Variants in FHOD3 observed in about 807,000 individuals in gnomAD.
FHOD3 encodes formin homology 2 domain containing 3.
Under a neutral mutation model 173.0 loss-of-function variants are expected in FHOD3, and 90 were observed. The ratio of observed to expected loss-of-function variants is 0.52; its 90% CI spans 0.44 to 0.62. The LOEUF is 0.62. Among genes scored for constraint, FHOD3 ranks in the 20% least tolerant of loss-of-function variants. The pLI is 0.00. For synonymous variants in FHOD3, 828 were observed against 823.0 expected (o/e 1.01, Z -0.10); for missense variants, 1,945 against 2,034.7 (o/e 0.96, Z 0.85).
intron 1 of FHOD3, among the ~76,000 whole-genome samples, chr18:36,322,684 G>A (rs1325749095): frequency 6.6e-6 from 1 of 152,160 alleles, no homozygotes; most frequent in Non-Finnish European, 1.5e-5. Context: ...ATTCTTAGCT[G>A]CTAGTGACCT....
chr18:36,518,535 T>TA (rs2056109136), intron 5 of FHOD3, among the ~76,000 whole-genome samples: 1 of 152,140 alleles, frequency 6.6e-6, no homozygotes, highest in Non-Finnish European at 1.5e-5. Flanking sequence ...CTATTTCCAA[T>TA]AAAAAATCAC....
At position 36,297,725 on chromosome 18, in the gene FHOD3, C is replaced by T. The variant is rs1426265173; in HGVS notation, c.-111C>T. The stretch of plus-strand genomic sequence containing the variant: ...GCCCGGCGCGCCTGAGCCTGCGAGT[C>T]CGCGAGCCAGCGAGCTGCGGCTGCG... On this transcript the variant is annotated 5_prime_UTR_variant, in exon 1 of 29. Transcript: ENST00000590592. 2 of 828,226 alleles carry T rather than the reference C, an allele frequency of 2.4e-6. No individual in the cohort carries two copies. Among genetic ancestry groups the T allele is most frequent in the Admixed American group, 5.3e-5 (1 of 18,710 alleles). The allele number at this position is 828,226 out of a possible 1,614,324, so 51.3% of individuals were successfully genotyped here. A position where few individuals can be genotyped will look rare whatever the true frequency, so the allele number is the denominator to read the frequency against.
chr18:36,741,772 T>TA (rs61214594), intron 21 of FHOD3, among the ~76,000 whole-genome samples: 5 of 151,052 alleles, frequency 3.3e-5, no homozygotes, highest in African/African-American at 4.9e-5. Flanking sequence ...CCTCCATCTC[T>TA]AAAAAAAATA....
At chr18:36,360,745 G>T (rs1343598179) in intron 2 of FHOD3, among the ~76,000 whole-genome samples, 1 of 152,214 alleles carries the variant, frequency 6.6e-6, no homozygotes, top group Non-Finnish European at 1.5e-5. Flanking sequence ...TGGGATTTTG[G>T]TGGGGAGGTA....
intron 1 of FHOD3, among the ~76,000 whole-genome samples, chr18:36,355,327 G>A (rs2046310228): frequency 6.6e-6 from 1 of 152,184 alleles, no homozygotes; most frequent in South Asian, 2.1e-4. Flanking sequence ...TGCTGTCGAT[G>A]TCACTCTGTT....
rs750548010 is a variant in FHOD3 at position 36,709,290 on chromosome 18, T to A, written c.2432T>A (p.Val811Glu). ...GAAAAAGAGAGGCAGAACGAGGGGG[T>A]GAACGAGAGGGACAACTGCTCTGCC... ...LSEKERQNEG[V>E]NERDNCSASS... is the part of the protein sequence containing the mutation. The change falls in exon 18 of 29, where the codon GTG (valine) becomes GAG (glutamate). Residue 811 changes from valine (V) to glutamate (E), a missense_variant. By Grantham distance (121) the Val-to-Glu change is moderately radical. Transcript: ENST00000590592. 1 of 1,613,634 alleles carries A rather than the reference T, an allele frequency of 6.2e-7. No homozygotes were observed. The highest frequency in any genetic ancestry group is 8.5e-7 in the Non-Finnish European group (1 of 1,179,924).
intron 2 of FHOD3, among the ~76,000 whole-genome samples, chr18:36,361,314 C>G (rs1412906851): frequency 6.6e-6 from 1 of 152,060 alleles, no homozygotes; most frequent in Non-Finnish European, 1.5e-5. Flanking sequence ...CACACCAGTT[C>G]CAGGTGCCAG....
At chr18:36,738,444 G>A (rs1457082243) in intron 20 of FHOD3, among the ~76,000 whole-genome samples, 1 of 152,174 alleles carries the variant, frequency 6.6e-6, no homozygotes, top group Non-Finnish European at 1.5e-5. Flanking sequence ...CAAAGCAAAA[G>A]TTTTTAACTG....
At chr18:36,707,837 C>A (rs2039967803) in intron 17 of FHOD3, among the ~76,000 whole-genome samples, 1 of 152,148 alleles carries the variant, frequency 6.6e-6, no homozygotes, top group Non-Finnish European at 1.5e-5. Context: ...GTAGACCCTG[C>A]CAGAATTTCT....
chr18:36,420,204 C>T (rs747341663), intron 3 of FHOD3, among the ~76,000 whole-genome samples: 11 of 152,182 alleles, frequency 7.2e-5, no homozygotes, highest in Non-Finnish European at 1.6e-4. Flanking sequence ...GCGCCAGGCA[C>T]ATGTCACTGT....
chr18:36,508,280 T>TA lies in FHOD3; in HGVS notation c.406-4158_406-4157insA, dbSNP rs559376625. ...CTTAAGCAAATAAGCTTTTTTTTTT[T>TA]TAAAAAAAGCTAGAAGCAATAATCA... is the stretch of plus-strand genomic sequence containing the variant. On this transcript the variant is annotated intron_variant, in intron 4 of 28. Transcript: ENST00000590592. 2.6e-3 allele frequency among the ~76,000 whole-genome samples: 391 copies of TA among 151,914 alleles called. 1 individual carries two copies. The highest frequency in any genetic ancestry group is 8.8e-3 in the African/African-American group (364 of 41,362).
intron 3 of FHOD3, among the ~76,000 whole-genome samples, chr18:36,384,293 T>C (rs1439494878): frequency 6.6e-6 from 1 of 151,968 alleles, no homozygotes; most frequent in Admixed American, 6.5e-5. Flanking sequence ...GGCAGGAGAA[T>C]GGTGTGAACC....
chr18:36,732,632 G>A (rs1282133770), intron 20 of FHOD3, among the ~76,000 whole-genome samples: 8 of 152,172 alleles, frequency 5.3e-5, no homozygotes, highest in Admixed American at 5.2e-4. Context: ...AAAGAGTGAG[G>A]GCACACGGCA....
chr18:36,533,887 C>T (rs968264992), intron 5 of FHOD3, among the ~76,000 whole-genome samples: 1 of 152,146 alleles, frequency 6.6e-6, no homozygotes, highest in African/African-American at 2.4e-5. Context: ...ATATCTTCCC[C>T]ATTAGAGTTA....
chr18:36,551,643 G>C (rs1047307066), intron 5 of FHOD3, among the ~76,000 whole-genome samples: 51 of 152,124 alleles, frequency 3.4e-4, no homozygotes, highest in African/African-American at 1.2e-3. Context: ...TCTAACTAAA[G>C]TCTTTAATCC....
chr18:36,403,047 A>G (rs915619465), intron 3 of FHOD3, among the ~76,000 whole-genome samples: 1 of 152,050 alleles, frequency 6.6e-6, no homozygotes, highest in Non-Finnish European at 1.5e-5. Flanking sequence ...TTTTGTTGGG[A>G]GGGGGCCATG....
At chr18:36,662,560 C>A (rs1416759967) in intron 14 of FHOD3, among the ~76,000 whole-genome samples, 1 of 152,160 alleles carries the variant, frequency 6.6e-6, no homozygotes, top group African/African-American at 2.4e-5. Flanking sequence ...CTTAGAAGAT[C>A]TTGGGAATTG....
At chr18:36,322,394 G>T (rs1442399551) in intron 1 of FHOD3, among the ~76,000 whole-genome samples, 1 of 152,172 alleles carries the variant, frequency 6.6e-6, no homozygotes, top group Non-Finnish European at 1.5e-5. Flanking sequence ...AGGGCAGTAA[G>T]TTGTCTGTTT....
chr18:36,759,528 G>A (rs937138505), intron 26 of FHOD3, among the ~76,000 whole-genome samples: 1 of 152,248 alleles, frequency 6.6e-6, no homozygotes, highest in Non-Finnish European at 1.5e-5. Context: ...AAGAGGAAGT[G>A]GGGCAGTGGC....
Sources: allele counts gnomAD v4.1 joint callset (sites outside exome capture counted in the v4.1 genomes callset), GRCh38; gene constraint gnomAD v4.1.1; transcripts MANE v1.5; gene names NCBI Gene and HGNC (gene_info 2026-07-23, HGNC 2026-07-21).